The following STX7 variants were observed in gnomAD, a reference collection of about 807,000 sequenced individuals.
STX7 encodes syntaxin 7.
A neutral mutation model predicts 39.6 loss-of-function variants in STX7; 34 were observed. That is an observed-to-expected ratio of 0.86 (90% confidence interval 0.65 to 1.14). The LOEUF (loss-of-function observed/expected upper bound fraction) is 1.14. Among genes scored for constraint, STX7 ranks in the 50% most tolerant of loss-of-function variants. The pLI is 0.00. For missense variants in STX7, 284 were observed against 310.4 expected (o/e 0.92, Z 0.64); for synonymous variants, 119 against 99.1 (o/e 1.20, Z -1.19).
At chr6:132,487,923 C>A (rs1775179759) in intron 2 of STX7, among the ~76,000 whole-genome samples, 1 of 151,502 alleles carries the variant, frequency 6.6e-6, no homozygotes, top group Non-Finnish European at 1.5e-5. Flanking sequence ...TTTGTATTTC[C>A]TTTGTTCTGC....
intron 2 of STX7, among the ~76,000 whole-genome samples, chr6:132,500,487 C>G (rs1775530949): frequency 6.6e-6 from 1 of 152,172 alleles, no homozygotes; most frequent in South Asian, 2.1e-4. Flanking sequence ...CACTACCAGT[C>G]CCTCCTCATC....
intron 1 of STX7, among the ~76,000 whole-genome samples, chr6:132,506,411 C>A (rs377755608): frequency 6.6e-6 from 1 of 151,994 alleles, no homozygotes; most frequent in African/African-American, 2.4e-5. Context: ...AAAAACCCCA[C>A]AAATAACCCC....
chr6:132,499,665 T>C (rs1775504525), intron 2 of STX7, among the ~76,000 whole-genome samples: 1 of 152,194 alleles, frequency 6.6e-6, no homozygotes, highest in South Asian at 2.1e-4. Flanking sequence ...CCTTAGATTC[T>C]TCATGCTACC....
At chr6:132,501,841 A>AC (rs1225037089) in intron 2 of STX7, among the ~76,000 whole-genome samples, 2 of 151,964 alleles carry the variant, frequency 1.3e-5, no homozygotes, top group African/African-American at 4.8e-5. Context: ...CTTGGGGCAG[A>AC]CCAGTGCTAT....
Position 132,472,299 on chromosome 6 carries a change from TG to T in STX7, c.231del (p.Thr78ProfsTer16). ...DKYIKEFGSL[P>X]TTPSEQRQRK... The stretch of plus-strand genomic sequence containing the variant: ...CTTGATACCTGTTCACTGGGGGTGG[TG>T]GGCAGAGATCCAAACTCTTTAATGT... On this transcript the variant is annotated frameshift_variant, in exon 4 of 10. Coordinates refer to ENST00000367941, the MANE Select transcript of STX7 (RefSeq NM_003569.3). LOFTEE classifies it high-confidence loss of function. 1 of 1,613,182 alleles carries T rather than the reference TG, an allele frequency of 6.2e-7. No individual in the cohort carries two copies. The highest frequency in any genetic ancestry group is 8.5e-7 in the Non-Finnish European group (1 of 1,179,702).
intron 2 of STX7, among the ~76,000 whole-genome samples, chr6:132,485,460 T>A (rs1035851234): frequency 6.6e-6 from 1 of 152,202 alleles, no homozygotes; most frequent in African/African-American, 2.4e-5. Context: ...CCATTACAAA[T>A]AAAGCTCCTA....
chr6:132,486,779 C>A (rs1483645139), intron 2 of STX7, among the ~76,000 whole-genome samples: 1 of 151,058 alleles, frequency 6.6e-6, no homozygotes, highest in African/African-American at 2.4e-5. Flanking sequence ...GATTCTCCTG[C>A]CTCAGTCTCC....
At position 132,445,877 on chromosome 6, in the gene STX7, A is replaced by G. The variant is rs979875080; in HGVS notation, c.*14881T>C. On this transcript the variant is annotated 3_prime_UTR_variant, in exon 10 of 10. Transcript: ENST00000367941. Reference sequence around the variant, plus strand: ...GTAAAAATGAAGCCATTTTCATTTCAGTATTCAGAGTTTTATAACATTTTG... The same window carrying G: ...GTAAAAATGAAGCCATTTTCATTTCGGTATTCAGAGTTTTATAACATTTTG... 3 of 152,222 alleles carry G rather than the reference A, an allele frequency of 2.0e-5. No individual in the cohort carries two copies. Among genetic ancestry groups the G allele is most frequent in the Non-Finnish European group, 4.4e-5 (3 of 68,024 alleles). The allele number at this position is 152,222 out of a possible 1,614,324, so 9.4% of individuals were successfully genotyped here. A position where few individuals can be genotyped will look rare whatever the true frequency, so the allele number is the denominator to read the frequency against.
chr6:132,473,352 C>T (rs1343302677), intron 3 of STX7, among the ~76,000 whole-genome samples: 1 of 152,178 alleles, frequency 6.6e-6, no homozygotes, highest in Non-Finnish European at 1.5e-5. Flanking sequence ...TCCGCTGATG[C>T]TCAAGTCCCT....
At chr6:132,475,313 G>A (rs9493328) in intron 3 of STX7, 2,619 of 194,258 alleles carry the variant, frequency 0.013, 55 homozygotes, top group African/African-American at 0.054. Flanking sequence ...CAGTAGAGAC[G>A]GGGTTTCACC....
intron 3 of STX7, 33 bp downstream of exon 3, chr6:132,475,560 C>A (rs769626239): frequency 4.3e-5 from 63 of 1,476,192 alleles, no homozygotes; most frequent in Non-Finnish European, 5.7e-5. Flanking sequence ...AGAGTTTTTT[C>A]TTTCTCTTTT....
In STX7 at chr6:132,446,970, T is replaced by C. The variant is rs1024396464; in HGVS notation, c.*13788A>G. 6.6e-6 allele frequency: 1 copy of C among 152,204 alleles called. No homozygotes were observed. Among genetic ancestry groups the C allele is most frequent in the South Asian group, 2.1e-4 (1 of 4,838 alleles). 9.4% of individuals were successfully genotyped at this position (152,204 alleles called of 1,614,324 possible). A position where few individuals can be genotyped will look rare whatever the true frequency, so the allele number is the denominator to read the frequency against. On this transcript the variant is annotated 3_prime_UTR_variant, in exon 10 of 10. Coordinates refer to ENST00000367941, the MANE Select transcript of STX7 (RefSeq NM_003569.3). ...AGAAGGCCTAGGAGCCATGAATAACTGCCGAGGGTACCATAGACACTGGGT... is the reference window on the plus strand; with the variant it reads ...AGAAGGCCTAGGAGCCATGAATAACCGCCGAGGGTACCATAGACACTGGGT...
At chr6:132,478,790 T>C (rs758123480) in intron 2 of STX7, among the ~76,000 whole-genome samples, 3 of 152,212 alleles carry the variant, frequency 2.0e-5, no homozygotes, top group Non-Finnish European at 4.4e-5. Flanking sequence ...CAAATACTTT[T>C]TGCTCTACCC....
At position 132,452,549 on chromosome 6, in the gene STX7, C is replaced by A. The variant is rs1004603934; in HGVS notation, c.*8209G>T. On this transcript the variant is annotated 3_prime_UTR_variant, in exon 10 of 10. Transcript: ENST00000367941. The stretch of plus-strand genomic sequence containing the variant: ...GTGGGCTCAATAAGGTCTCAGTATA[C>A]AAAATAGAAAAATTCACTTTATTTC... 4 of 151,804 alleles carry A rather than the reference C, an allele frequency of 2.6e-5. No homozygotes were observed. The highest frequency in any genetic ancestry group is 9.7e-5 in the African/African-American group (4 of 41,338). The allele number at this position is 151,804 out of a possible 1,614,324, so 9.4% of individuals were successfully genotyped here. A position where few individuals can be genotyped will look rare whatever the true frequency, so the allele number is the denominator to read the frequency against.
rs997140829 is a variant in STX7, at chr6:132,467,950, A to G, written c.610+453T>C. ...TAATACTACTAAATTCATCTACCAA[A>G]AAGCTATTAAAATGAATGATTAGGC... On this transcript the variant is annotated intron_variant, in intron 8 of 9. Transcript: ENST00000367941. 4.6e-5 allele frequency among the ~76,000 whole-genome samples: 7 copies of G among 152,200 alleles called. No individual in the cohort carries two copies. In the South Asian group the frequency reaches 1.0e-3, roughly 23 times the overall value.
In STX7 at chr6:132,503,490, A is replaced by T; in HGVS notation, c.41T>A (p.Leu14Ter). 6.2e-7 allele frequency: 1 copy of T among 1,614,134 alleles called. No individual in the cohort carries two copies. The highest frequency in any genetic ancestry group is 8.5e-7 in the Non-Finnish European group (1 of 1,179,984). Residue 14 changes from leucine (L) to a stop codon, truncating the protein, a stop_gained, in exon 2 of 10, where the codon TTG becomes TAG. Coordinates refer to ENST00000367941, the MANE Select transcript of STX7 (RefSeq NM_003569.3). LOFTEE classifies it high-confidence loss of function. The stretch of plus-strand genomic sequence containing the variant: ...GATGTTAGAAGAGATCCTCTGGGCC[A>T]ACTGGGCGGGGTCACCACCAACTCC... ...TPGVGGDPAQ[L>*]AQRISSNIQK...
chr6:132,482,708 T>C (rs1175054578), intron 2 of STX7, among the ~76,000 whole-genome samples: 1 of 152,208 alleles, frequency 6.6e-6, no homozygotes, highest in Non-Finnish European at 1.5e-5. Context: ...AGATGTTAGA[T>C]GTTTCCAGCA....
intron 2 of STX7, among the ~76,000 whole-genome samples, chr6:132,499,567 A>C (rs764906746): frequency 6.6e-6 from 1 of 152,196 alleles, no homozygotes; most frequent in Non-Finnish European, 1.5e-5. Flanking sequence ...AGCATTAGGG[A>C]GAGATAATGC....
At position 132,456,801 on chromosome 6, in the gene STX7, T is replaced by C. The variant is rs1250957776; in HGVS notation, c.*3957A>G. 1 of 152,282 alleles carries C rather than the reference T, an allele frequency of 6.6e-6. No homozygotes were observed. Among genetic ancestry groups the C allele is most frequent in the African/African-American group, 2.4e-5 (1 of 41,478 alleles). 9.4% of individuals were successfully genotyped at this position (152,282 alleles called of 1,614,324 possible). Reference sequence around the variant, plus strand: ...TGTCAACTCACTTCTCTTTCTAGAATGTCCTCTGCAGTGCAGGTAGACCAG... The same window carrying C: ...TGTCAACTCACTTCTCTTTCTAGAACGTCCTCTGCAGTGCAGGTAGACCAG... On this transcript the variant is annotated 3_prime_UTR_variant, in exon 10 of 10. Transcript: ENST00000367941.
Sources: allele counts gnomAD v4.1 joint callset (sites outside exome capture counted in the v4.1 genomes callset), GRCh38; gene constraint gnomAD v4.1.1; transcripts MANE v1.5; gene names NCBI Gene and HGNC (gene_info 2026-07-23, HGNC 2026-07-21).